SMAD3: variants seen among roughly 807,000 people sequenced by gnomAD.
The protein encoded by SMAD3 is SMAD family member 3, also known as MAD homolog 3.
SMAD3 carries 12 observed loss-of-function variants against 51.8 expected under a neutral mutation model. That is an observed-to-expected ratio of 0.23 (90% CI 0.15 to 0.38). The LOEUF (loss-of-function observed/expected upper bound fraction) is 0.38. Among genes scored for constraint, SMAD3 ranks in the 10% least tolerant of loss-of-function variants. SMAD3 has a pLI of 1.00. For missense variants in SMAD3, 294 were observed against 565.6 expected, an observed-to-expected ratio of 0.52 and a Z score of 4.87; for synonymous variants, 238 against 227.7, an observed-to-expected ratio of 1.05 and a Z score of -0.41.
At chr15:67,096,264 T>A (rs530445480) in intron 1 of SMAD3, among the ~76,000 whole-genome samples, 32 of 152,320 alleles carry the variant, frequency 2.1e-4, no homozygotes, top group African/African-American at 7.7e-4. Flanking sequence ...AGATCTTCCT[T>A]ACTCCTCAGG....
intron 8 of SMAD3, among the ~76,000 whole-genome samples, chr15:67,188,141 TC>T (rs1486491563): frequency 3.7e-4 from 43 of 117,708 alleles, no homozygotes; most frequent in African/African-American, 1.5e-3. Flanking sequence ...GGTTTCTTTT[TC>T]TTTTTCTTTT....
chr15:67,089,619 G>A lies in SMAD3; in HGVS notation c.206+23259G>A, dbSNP rs117017670. On this transcript the variant is annotated intron_variant, in intron 1 of 8. Transcript: ENST00000327367. The stretch of plus-strand genomic sequence containing the variant: ...AAATGCCCATGGGGAGTGTGTGTGC[G>A]TGGGCATGTGTGCTCTCCTCGTGTC... Among the ~76,000 whole-genome samples the A allele has an allele frequency of 3.3e-4, 51 of 152,302 alleles. No homozygotes were observed. In the East Asian group the frequency reaches 7.1e-3, roughly 21 times the overall value.
chr15:67,153,255 G>A (rs1194743578), intron 1 of SMAD3, among the ~76,000 whole-genome samples: 1 of 152,166 alleles, frequency 6.6e-6, no homozygotes, highest in African/African-American at 2.4e-5. Context: ...ACTTTGGGAG[G>A]CTGGGGCAGG....
At chr15:67,067,004 A>G (rs1479576350) in intron 1 of SMAD3, among the ~76,000 whole-genome samples, 2 of 152,182 alleles carry the variant, frequency 1.3e-5, no homozygotes, top group Admixed American at 1.3e-4. Flanking sequence ...GTTGCAGTGC[A>G]ATGCTCTGAC....
intron 1 of SMAD3, among the ~76,000 whole-genome samples, chr15:67,115,260 T>C (rs1045311165): frequency 6.6e-6 from 1 of 152,158 alleles, no homozygotes; most frequent in African/African-American, 2.4e-5. Flanking sequence ...TCTTTTTTTT[T>C]TTCCCACGGA....
At chr15:67,147,649 G>A (rs929382545) in intron 1 of SMAD3, among the ~76,000 whole-genome samples, 14 of 152,034 alleles carry the variant, frequency 9.2e-5, no homozygotes, top group Admixed American at 4.6e-4. Context: ...CACTGCCCCC[G>A]CCCCAGTGTC....
At chr15:67,116,118 G>T (rs1961129550) in intron 1 of SMAD3, among the ~76,000 whole-genome samples, 1 of 152,234 alleles carries the variant, frequency 6.6e-6, no homozygotes, top group South Asian at 2.1e-4. Flanking sequence ...GCTGGCCTTT[G>T]CTGAGCACCA....
At chr15:67,164,166 T>G (rs1962508093) in intron 1 of SMAD3, among the ~76,000 whole-genome samples, 1 of 149,532 alleles carries the variant, frequency 6.7e-6, no homozygotes, top group African/African-American at 2.5e-5. Context: ...AAAAACAAAA[T>G]TAGCTGGGCG....
chr15:67,166,246 G>T, intron 3 of SMAD3: 2 of 885,212 alleles, frequency 2.3e-6, no homozygotes, highest in Non-Finnish European at 2.8e-6. Flanking sequence ...CTTCAGTCAG[G>T]GTCTGGGGGA....
intron 1 of SMAD3, among the ~76,000 whole-genome samples, chr15:67,140,863 G>C (rs1308241161): frequency 6.6e-6 from 1 of 152,110 alleles, no homozygotes; most frequent in African/African-American, 2.4e-5. Context: ...GCAGAACTTG[G>C]GGTTCATTCA....
At chr15:67,117,282 G>A (rs1961156600) in intron 1 of SMAD3, among the ~76,000 whole-genome samples, 1 of 152,186 alleles carries the variant, frequency 6.6e-6, no homozygotes, top group Non-Finnish European at 1.5e-5. Context: ...TTCCCACCTT[G>A]TGGGCCTCAC....
rs1392887512 is a variant in SMAD3 at position 67,190,400 on chromosome 15, C to G, written c.1155-13C>G. The G allele has an allele frequency of 6.2e-7, 1 of 1,613,816 alleles. No individual in the cohort carries two copies. Among genetic ancestry groups the G allele is most frequent in the South Asian group, 1.1e-5 (1 of 91,078 alleles). On this transcript the variant is annotated splice_polypyrimidine_tract_variant and intron_variant, in intron 8 of 8. Coordinates refer to ENST00000327367, the MANE Select transcript of SMAD3 (RefSeq NM_005902.4). ...TAAGTCCCCCACCCCACCCCTTTCC[C>G]TATTTCTTACAGGAGACAGACTGTG...
At chr15:67,165,478 G>A (rs537679199) in intron 3 of SMAD3, 94 bp downstream of exon 3, 56 of 1,452,008 alleles carry the variant, frequency 3.9e-5, no homozygotes, top group Admixed American at 1.4e-4. Context: ...CCCCCTGGCC[G>A]TCCCCCGCTC....
At chr15:67,137,799 G>A (rs1961703624) in intron 1 of SMAD3, among the ~76,000 whole-genome samples, 1 of 152,204 alleles carries the variant, frequency 6.6e-6, no homozygotes, top group Admixed American at 6.5e-5. Context: ...GGCCCATAGG[G>A]TCAGAATGGC....
At chr15:67,161,890 C>T (rs943275272) in intron 1 of SMAD3, among the ~76,000 whole-genome samples, 8 of 152,132 alleles carry the variant, frequency 5.3e-5, no homozygotes, top group Non-Finnish European at 1.2e-4. Context: ...TAGAACCCTC[C>T]TTTACCCCAG....
chr15:67,135,497 G>C (rs946362865), intron 1 of SMAD3, among the ~76,000 whole-genome samples: 12 of 152,192 alleles, frequency 7.9e-5, no homozygotes, highest in African/African-American at 2.9e-4. Flanking sequence ...GTACCAAGTA[G>C]GCCCTCTCTA....
intron 1 of SMAD3, among the ~76,000 whole-genome samples, chr15:67,126,830 T>C (rs531134164): frequency 6.6e-6 from 1 of 152,272 alleles, no homozygotes; most frequent in Admixed American, 6.5e-5. Flanking sequence ...TAACATGGTG[T>C]GAATGGTGGG....
intron 3 of SMAD3, chr15:67,166,472 G>T (rs1962592303): frequency 4.0e-6 from 2 of 494,384 alleles, no homozygotes; most frequent in Non-Finnish European, 7.4e-6. Flanking sequence ...GGAGGGGGTG[G>T]GGCTTAACCC....
chr15:67,152,997 T>G (rs1962187136), intron 1 of SMAD3, among the ~76,000 whole-genome samples: 1 of 152,300 alleles, frequency 6.6e-6, no homozygotes, highest in African/African-American at 2.4e-5. Flanking sequence ...TTTGTAGTCA[T>G]AGAGAACTGA....
Sources: allele counts gnomAD v4.1 joint callset (sites outside exome capture counted in the v4.1 genomes callset), GRCh38; gene constraint gnomAD v4.1.1; transcripts MANE v1.5; gene names NCBI Gene and HGNC (gene_info 2026-07-23, HGNC 2026-07-21).